CHRM3: variants seen among roughly 807,000 people sequenced by gnomAD.
CHRM3 encodes the protein muscarinic acetylcholine receptor M3.
CHRM3 carries 11 observed loss-of-function variants against 41.8 expected under a neutral mutation model. That is an observed-to-expected ratio of 0.26 (90% CI 0.17 to 0.44). The LOEUF (loss-of-function observed/expected upper bound fraction) is 0.44. CHRM3 is among the 20% of genes least tolerant of loss of function. CHRM3 has a pLI of 1.00. For missense variants in CHRM3, 571 were observed against 745.4 expected, an observed-to-expected ratio of 0.77 and a Z score of 2.72; for synonymous variants, 297 against 301.4, an observed-to-expected ratio of 0.99 and a Z score of 0.15.
chr1:239,751,252 AAAAG>A (rs1256939477), intron 5 of CHRM3, among the ~76,000 whole-genome samples: 2 of 151,816 alleles, frequency 1.3e-5, no homozygotes, highest in Non-Finnish European at 2.9e-5. Flanking sequence ...AAAAAAAAAA[AAAAG>A]GAGAAAAGGA....
chr1:239,726,508 T>C (rs1479067486), intron 5 of CHRM3, among the ~76,000 whole-genome samples: 1 of 151,954 alleles, frequency 6.6e-6, no homozygotes, highest in Non-Finnish European at 1.5e-5. Flanking sequence ...AAGCATAACA[T>C]ATTAAAGTAG....
chr1:239,422,226 C>G (rs1258783760), intron 1 of CHRM3, among the ~76,000 whole-genome samples: 5 of 152,094 alleles, frequency 3.3e-5, no homozygotes, highest in African/African-American at 9.7e-5. Flanking sequence ...TGAGCATAGG[C>G]TACATTTTTT....
At chr1:239,823,515 A>G (rs1037514700) in intron 5 of CHRM3, among the ~76,000 whole-genome samples, 2 of 152,158 alleles carry the variant, frequency 1.3e-5, no homozygotes, top group African/African-American at 4.8e-5. Flanking sequence ...CATTGGGACC[A>G]TAATGCCTTC....
intron 3 of CHRM3, among the ~76,000 whole-genome samples, chr1:239,616,513 G>GAAT (rs1254391189): frequency 6.6e-6 from 1 of 152,068 alleles, no homozygotes; most frequent in African/African-American, 2.4e-5. Flanking sequence ...TATCACTTAA[G>GAAT]CCAGCAGGAA....
chr1:239,495,721 T>C (rs1445666817), intron 2 of CHRM3, among the ~76,000 whole-genome samples: 4 of 152,176 alleles, frequency 2.6e-5, no homozygotes, highest in African/African-American at 9.6e-5. Flanking sequence ...TAACAATTGC[T>C]ATTGTGAGGA....
At chr1:239,906,163 G>T (rs181599425) in intron 6 of CHRM3, among the ~76,000 whole-genome samples, 2 of 152,266 alleles carry the variant, frequency 1.3e-5, no homozygotes, top group East Asian at 3.9e-4. Flanking sequence ...ATGCCAGAAA[G>T]CCTTTCCAGA....
intron 4 of CHRM3, among the ~76,000 whole-genome samples, chr1:239,648,929 A>G (rs1312419288): frequency 1.3e-5 from 2 of 152,174 alleles, no homozygotes; most frequent in Non-Finnish European, 2.9e-5. Context: ...ATTGACATAT[A>G]TCCATAGTCT....
intron 5 of CHRM3, among the ~76,000 whole-genome samples, chr1:239,713,071 C>T (rs369302727): frequency 3.9e-5 from 6 of 152,266 alleles, no homozygotes; most frequent in South Asian, 4.1e-4. Context: ...TAAGCCCGGG[C>T]ACAATCTGCT....
At chr1:239,609,631 G>T (rs1399092903) in intron 3 of CHRM3, among the ~76,000 whole-genome samples, 12 of 152,130 alleles carry the variant, frequency 7.9e-5, no homozygotes. Context: ...AATTCCAGTT[G>T]CCCCTACATC....
intron 5 of CHRM3, among the ~76,000 whole-genome samples, chr1:239,785,290 T>C (rs559823341): frequency 6.6e-6 from 1 of 152,200 alleles, no homozygotes; most frequent in South Asian, 2.1e-4. Context: ...CATTGAGGAG[T>C]ATTTGTATAG....
At chr1:239,686,544 C>T (rs1365509971) in intron 5 of CHRM3, among the ~76,000 whole-genome samples, 2 of 152,048 alleles carry the variant, frequency 1.3e-5, no homozygotes, top group Admixed American at 6.6e-5. Context: ...TCCCCAGAGC[C>T]CTTCCTTCAT....
intron 6 of CHRM3, among the ~76,000 whole-genome samples, chr1:239,868,651 C>G (rs531116906): frequency 1.4e-4 from 22 of 152,156 alleles, no homozygotes; most frequent in Admixed American, 5.2e-4. Flanking sequence ...CTTCAGCTCC[C>G]GTCCTGCCCA....
chr1:239,907,656 G>C lies in CHRM3; in HGVS notation c.205G>C (p.Val69Leu). The change falls in exon 7 of 7, where the codon GTC becomes CTC. Residue 69 changes from valine to leucine, a missense_variant. Physicochemically the swap from Val to Leu is conservative, Grantham distance 32. Coordinates refer to ENST00000676153, the MANE Select transcript of CHRM3 (RefSeq NM_001375978.1). The surrounding 1 kb of genome is among the most constrained non-coding windows in gnomAD (Gnocchi z 5.4). ...GGGAGGTCATACCGTCTGGCAAGTGGTCTTCATCGCTTTCTTAACGGGCAT... is the reference window on the plus strand; with the variant it reads ...GGGAGGTCATACCGTCTGGCAAGTGCTCTTCATCGCTTTCTTAACGGGCAT... ...PLGGHTVWQV[V>L]FIAFLTGILA... The C allele has an allele frequency of 1.2e-6, 2 of 1,614,176 alleles. No homozygotes were observed. The highest frequency in any genetic ancestry group is 1.7e-6 in the Non-Finnish European group (2 of 1,180,042).
At chr1:239,795,187 T>G (rs1032148766) in intron 5 of CHRM3, among the ~76,000 whole-genome samples, 2 of 152,188 alleles carry the variant, frequency 1.3e-5, no homozygotes, top group African/African-American at 4.8e-5. Flanking sequence ...TTTGAATGAT[T>G]TGCCAAGTGA....
Position 239,764,104 on chromosome 1 carries a change from T to C in CHRM3, c.-146-63148T>C, listed in dbSNP as rs1667019329. ...TATCTCCAAAAAAAAAAAAAAATCC[T>C]CAGGGGCTAAAGTGGACATTAATAT... On this transcript the variant is annotated intron_variant, in intron 5 of 6. Coordinates refer to ENST00000676153, the MANE Select transcript of CHRM3 (RefSeq NM_001375978.1). Among the ~76,000 whole-genome samples the C allele has an allele frequency of 1.3e-5, 2 of 151,108 alleles. 1 individual carries two copies. The highest frequency in any genetic ancestry group is 4.2e-4 in the South Asian group (2 of 4,754).
intron 5 of CHRM3, among the ~76,000 whole-genome samples, chr1:239,823,040 T>A (rs1467621955): frequency 6.6e-6 from 1 of 152,166 alleles, no homozygotes; most frequent in Non-Finnish European, 1.5e-5. Context: ...ACCCAGGAGT[T>A]CAAGGCTGAA....
intron 4 of CHRM3, among the ~76,000 whole-genome samples, chr1:239,662,420 A>G (rs1037086597): frequency 6.6e-6 from 1 of 152,214 alleles, no homozygotes; most frequent in Non-Finnish European, 1.5e-5. Flanking sequence ...GTGGATGACA[A>G]CATGCATTTT....
In CHRM3 at chr1:239,775,271, ACTGT is replaced by A. The variant is rs137964367; in HGVS notation, c.-146-51977_-146-51974del. On this transcript the variant is annotated intron_variant, in intron 5 of 6. Transcript: ENST00000676153. ...TAATAATAAGTTATACTTATTGTTGACTGTCTGAAAAGCATTTGGGAAACTCAAA... is the reference window on the plus strand; with the variant it reads ...TAATAATAAGTTATACTTATTGTTGACTGAAAAGCATTTGGGAAACTCAAA... Among the ~76,000 whole-genome samples, 1,074 of 152,274 alleles carry A rather than the reference ACTGT, an allele frequency of 7.1e-3. 9 individuals are homozygous for A. The highest frequency in any genetic ancestry group is 0.024 in the African/African-American group (1,012 of 41,556).
intron 3 of CHRM3, among the ~76,000 whole-genome samples, chr1:239,582,898 C>T (rs1157231228): frequency 6.6e-6 from 1 of 152,178 alleles, no homozygotes; most frequent in Non-Finnish European, 1.5e-5. Context: ...TTATGAGACA[C>T]TCTCTGATCT....
Sources: allele counts gnomAD v4.1 joint callset (sites outside exome capture counted in the v4.1 genomes callset), GRCh38; gene constraint gnomAD v4.1.1; non-coding constraint Gnocchi (gnomAD v3.1); transcripts MANE v1.5; gene names NCBI Gene and HGNC (gene_info 2026-07-23, HGNC 2026-07-21).